The following WDR7 variants were observed in gnomAD, a reference collection of about 807,000 sequenced individuals.
WDR7 encodes WD repeat domain 7.
In WDR7, 46 loss-of-function variants were observed where a neutral mutation model predicts 169.4. That is an observed-to-expected ratio of 0.27 (90% CI 0.21 to 0.35). The LOEUF is 0.35. Among genes scored for constraint, WDR7 ranks in the 10% least tolerant of loss-of-function variants. WDR7 has a pLI of 1.00. For synonymous variants in WDR7, 612 were observed against 666.8 expected (o/e 0.92, Z 1.27); for missense variants, 1,534 against 1,859.3 (o/e 0.83, Z 3.22).
intron 7 of WDR7, among the ~76,000 whole-genome samples, chr18:56,689,134 T>C (rs2025510409): frequency 6.6e-6 from 1 of 152,360 alleles, no homozygotes; most frequent in South Asian, 2.1e-4. Flanking sequence ...AATACTGAGA[T>C]AGTACTACAA....
At chr18:56,964,055 G>GAGGCAGTGT (rs567191273) in intron 26 of WDR7, among the ~76,000 whole-genome samples, 2,368 of 151,866 alleles carry the variant, frequency 0.016, 56 homozygotes, top group African/African-American at 0.052. Context: ...GAGGAAGAGT[G>GAGGCAGTGT]AGGCAGTGTG....
chr18:56,939,346 T>C lies in WDR7; in HGVS notation c.4017T>C (p.Ser1339=), dbSNP rs185223568. ...TCATTATGTACTGCCTTGAAGGATC[T>C]TTAGTTAAAAAGAAAGGTCTTCAAG... ...MDIIMYCLEG[S]LVKKKGLQEC... is the part of the protein sequence containing the mutation. The change falls in exon 25 of 28, where the codon TCT becomes TCC. Residue 1339 remains serine (S), a synonymous_variant. Transcript: ENST00000254442. 1.9e-4 allele frequency: 296 copies of C among 1,586,942 alleles called. 1 individual carries two copies. In the East Asian group the frequency reaches 5.2e-3, roughly 28 times the overall value.
intron 20 of WDR7, among the ~76,000 whole-genome samples, chr18:56,818,908 A>C (rs1046794951): frequency 5.3e-5 from 8 of 152,182 alleles, no homozygotes; most frequent in African/African-American, 1.9e-4. Flanking sequence ...AGTAGTAATT[A>C]TATCATGACA....
At chr18:56,974,839 A>G (rs978779977) in intron 26 of WDR7, among the ~76,000 whole-genome samples, 7 of 152,190 alleles carry the variant, frequency 4.6e-5, no homozygotes, top group African/African-American at 7.2e-5. Context: ...GATGAAACAA[A>G]TAAGTACAAT....
At chr18:56,994,355 G>A (rs1346142871) in intron 26 of WDR7, among the ~76,000 whole-genome samples, 2 of 145,608 alleles carry the variant, frequency 1.4e-5, no homozygotes. Context: ...CATTTTCATT[G>A]TATTCTGTGT....
At chr18:56,957,198 C>A (rs1258048379) in intron 25 of WDR7, 2 of 152,118 alleles carry the variant, frequency 1.3e-5, no homozygotes, top group Admixed American at 1.3e-4. Context: ...AGAGGACCAT[C>A]CCATGAAGAA....
chr18:56,864,379 CTG>C (rs2045852291), intron 20 of WDR7, among the ~76,000 whole-genome samples: 1 of 151,546 alleles, frequency 6.6e-6, no homozygotes, highest in Admixed American at 6.6e-5. Flanking sequence ...TGTTATAAAA[CTG>C]TAAATGAGAT....
intron 21 of WDR7, among the ~76,000 whole-genome samples, chr18:56,886,446 T>G (rs1452506649): frequency 6.6e-6 from 1 of 152,188 alleles, no homozygotes; most frequent in African/African-American, 2.4e-5. Flanking sequence ...AGAATTTGCC[T>G]CTACCAAGCC....
chr18:57,014,687 T>G (rs2048183225), intron 26 of WDR7, among the ~76,000 whole-genome samples: 1 of 151,832 alleles, frequency 6.6e-6, no homozygotes, highest in African/African-American at 2.4e-5. Flanking sequence ...GAAAAGAAAT[T>G]CCACATCATG....
chr18:57,020,657 A>T, intron 26 of WDR7, 88 bp from the exon 27 acceptor site: 1 of 1,207,558 alleles, frequency 8.3e-7, no homozygotes, highest in Non-Finnish European at 1.2e-6. Context: ...CCATGACGTA[A>T]CTTGTTCAAC....
At chr18:56,907,385 C>A (rs2046493308) in intron 21 of WDR7, among the ~76,000 whole-genome samples, 1 of 152,018 alleles carries the variant, frequency 6.6e-6, no homozygotes, top group South Asian at 2.1e-4. Flanking sequence ...TTATGGATGC[C>A]TTCTATTACC....
intron 21 of WDR7, among the ~76,000 whole-genome samples, chr18:56,896,452 A>G (rs765603020): frequency 6.6e-6 from 1 of 151,884 alleles, no homozygotes; most frequent in Non-Finnish European, 1.5e-5. Flanking sequence ...TTCTAAATTT[A>G]TTGTAATTAT....
At chr18:56,813,474 T>C (rs1231069405) in intron 19 of WDR7, among the ~76,000 whole-genome samples, 1 of 151,958 alleles carries the variant, frequency 6.6e-6, no homozygotes, top group African/African-American at 2.4e-5. Context: ...TTTTTTCTTT[T>C]TTAAATCATG....
intron 25 of WDR7, among the ~76,000 whole-genome samples, chr18:56,939,940 T>C (rs1420296257): frequency 2.0e-5 from 3 of 150,960 alleles, no homozygotes; most frequent in Non-Finnish European, 4.4e-5. Context: ...ATATACATAA[T>C]TTAATAATTA....
At chr18:56,849,160 A>G (rs2045607373) in intron 20 of WDR7, among the ~76,000 whole-genome samples, 1 of 152,100 alleles carries the variant, frequency 6.6e-6, no homozygotes, top group South Asian at 2.1e-4. Flanking sequence ...TTAGCCATTC[A>G]TTCCTTCTAA....
intron 26 of WDR7, among the ~76,000 whole-genome samples, chr18:57,011,353 C>G (rs1050893770): frequency 6.7e-6 from 1 of 149,800 alleles, no homozygotes; most frequent in Non-Finnish European, 1.5e-5. Flanking sequence ...GCAGTAAACA[C>G]TGAAGCTAGT....
chr18:57,018,869 A>T (rs2048245721), intron 26 of WDR7, among the ~76,000 whole-genome samples: 1 of 152,216 alleles, frequency 6.6e-6, no homozygotes, highest in Non-Finnish European at 1.5e-5. Flanking sequence ...AAACTGACCT[A>T]GTAAGTGGGA....
At chr18:56,837,290 T>C (rs928360515) in intron 20 of WDR7, among the ~76,000 whole-genome samples, 1 of 152,228 alleles carries the variant, frequency 6.6e-6, no homozygotes. Flanking sequence ...TTGTGAGCCA[T>C]TGTGACCAGT....
intron 3 of WDR7, 112 bp from the exon 4 acceptor site, chr18:56,681,200 CT>C: frequency 1.2e-6 from 1 of 821,514 alleles, no homozygotes; most frequent in South Asian, 1.7e-5. Context: ...CTGTATGCTA[CT>C]TTTTCTGAAA....
Sources: allele counts gnomAD v4.1 joint callset (sites outside exome capture counted in the v4.1 genomes callset), GRCh38; gene constraint gnomAD v4.1.1; transcripts MANE v1.5; gene names NCBI Gene and HGNC (gene_info 2026-07-23, HGNC 2026-07-21).